The following TNFRSF10B variants were observed in gnomAD, a reference collection of about 807,000 sequenced individuals.
TNFRSF10B encodes the protein TNF receptor superfamily member 10b.
TNFRSF10B carries 35 observed loss-of-function variants against 41.4 expected under a neutral mutation model. That is an observed-to-expected ratio of 0.85 (90% CI 0.65 to 1.12). The LOEUF (loss-of-function observed/expected upper bound fraction) is 1.12. TNFRSF10B is among the 50% of genes most tolerant of loss of function. TNFRSF10B has a pLI of 0.00. For missense variants in TNFRSF10B, 584 were observed against 552.7 expected (o/e 1.06, Z -0.57); for synonymous variants, 230 against 215.5 (o/e 1.07, Z -0.59).
chr8:23,047,760 T>A (rs1268703862), intron 1 of TNFRSF10B, among the ~76,000 whole-genome samples: 1 of 152,228 alleles, frequency 6.6e-6, no homozygotes, highest in African/African-American at 2.4e-5. Flanking sequence ...TTGGTGGGAA[T>A]GTAAATTAGT....
At chr8:23,023,107 C>T (rs948984035) in intron 8 of TNFRSF10B, 123 bp from the exon 9 acceptor site, 11 of 1,248,522 alleles carry the variant, frequency 8.8e-6, no homozygotes, top group African/African-American at 4.4e-5. Flanking sequence ...GCAAACCTGC[C>T]GCTCCAGTGC....
chr8:23,054,295 C>T (rs181759998), intron 1 of TNFRSF10B, among the ~76,000 whole-genome samples: 212 of 152,288 alleles, frequency 1.4e-3, no homozygotes, highest in Non-Finnish European at 1.5e-3. Context: ...TTTTGACTTT[C>T]GGCTTAAAAT....
At chr8:23,048,005 C>G (rs1212462393) in intron 1 of TNFRSF10B, among the ~76,000 whole-genome samples, 1 of 152,168 alleles carries the variant, frequency 6.6e-6, no homozygotes, top group Non-Finnish European at 1.5e-5. Context: ...GTAGACAATA[C>G]AGAATACTAT....
chr8:23,030,708 T>A (rs767407756), intron 3 of TNFRSF10B, 51 bp downstream of exon 3: 1 of 1,419,914 alleles, frequency 7.0e-7, no homozygotes, highest in African/African-American at 1.4e-5. Flanking sequence ...ACAACTTTTA[T>A]GTCATCACCC....
At position 23,028,318 on chromosome 8, in the gene TNFRSF10B, A is replaced by C; in HGVS notation, c.748+13T>G. The stretch of plus-strand genomic sequence containing the variant: ...GAGAGTGCCCTGTGCCCCCGCCCTC[A>C]GCCAGCACCTACCTGAGCAGATGCC... On this transcript the variant is annotated intron_variant, in intron 5 of 8. Transcript: ENST00000276431. 1.9e-6 allele frequency: 3 copies of C among 1,613,960 alleles called. No individual in the cohort carries two copies. The highest frequency in any genetic ancestry group is 2.5e-6 in the Non-Finnish European group (3 of 1,179,986).
At position 23,042,110 on chromosome 8, in the gene TNFRSF10B, T is replaced by C. The variant is rs149612608; in HGVS notation, c.250+1028A>G. ...ACGTCATCCATCCACACCCCAAATA[T>C]GTCTTGAGTCCTTCCTATTCCCGTC... On this transcript the variant is annotated intron_variant, in intron 2 of 8. Coordinates refer to ENST00000276431, the MANE Select transcript of TNFRSF10B (RefSeq NM_003842.5). 2.3e-3 allele frequency among the ~76,000 whole-genome samples: 350 copies of C among 152,332 alleles called. 1 individual carries two copies. Among genetic ancestry groups the C allele is most frequent in the African/African-American group, 8.0e-3 (334 of 41,564 alleles).
rs568791782 is a variant in TNFRSF10B at position 23,031,209 on chromosome 8, G to T, written c.251-337C>A. ...TCCTGGCTCAGCCTCCTGAGTAGCT[G>T]GGATTACAGGCACACACTACCACAC... is the stretch of plus-strand genomic sequence containing the variant. On this transcript the variant is annotated intron_variant, in intron 2 of 8. Coordinates refer to ENST00000276431, the MANE Select transcript of TNFRSF10B (RefSeq NM_003842.5). Among the ~76,000 whole-genome samples the T allele has an allele frequency of 1.6e-4, 25 of 151,690 alleles. No individual in the cohort carries two copies. In the East Asian group the frequency reaches 4.7e-3, roughly 29 times the overall value.
At chr8:23,059,889 G>A (rs1812782248) in intron 1 of TNFRSF10B, among the ~76,000 whole-genome samples, 1 of 152,148 alleles carries the variant, frequency 6.6e-6, no homozygotes, top group African/African-American at 2.4e-5. Flanking sequence ...GTTCCCTAAT[G>A]ATTAGTGATT....
chr8:23,031,891 C>T (rs1811894725), intron 2 of TNFRSF10B, among the ~76,000 whole-genome samples: 1 of 150,662 alleles, frequency 6.6e-6, no homozygotes, highest in Admixed American at 6.7e-5. Flanking sequence ...TAACTCATGG[C>T]ACATCTCAAT....
At chr8:23,068,670 C>A (rs1813074100) in intron 1 of TNFRSF10B, 81 bp downstream of exon 1, 2 of 1,514,122 alleles carry the variant, frequency 1.3e-6, no homozygotes, top group East Asian at 2.5e-5. Context: ...CCACGCACCC[C>A]CGCCGTGTCC....
At chr8:23,028,093 C>T in intron 5 of TNFRSF10B, 3 of 618,290 alleles carry the variant, frequency 4.9e-6, no homozygotes, top group South Asian at 3.9e-5. Context: ...ACTGGCCCTG[C>T]CCTCCTGGAC....
Position 23,057,292 on chromosome 8 carries a change from G to A in TNFRSF10B, c.144+11459C>T, listed in dbSNP as rs181891840. On this transcript the variant is annotated intron_variant, in intron 1 of 8. Transcript: ENST00000276431. Reference sequence around the variant, plus strand: ...AATCTCCTGACCTTGTGATCCACCTGCCTCAGCCTCCCAAAGTGCTGGGAT... The same window carrying A: ...AATCTCCTGACCTTGTGATCCACCTACCTCAGCCTCCCAAAGTGCTGGGAT... 2.0e-3 allele frequency among the ~76,000 whole-genome samples: 307 copies of A among 151,736 alleles called. 4 individuals carry two copies. Among genetic ancestry groups the A allele is most frequent in the Admixed American group, 9.6e-3 (147 of 15,270 alleles).
At chr8:23,033,068 G>C (rs567718717) in intron 2 of TNFRSF10B, among the ~76,000 whole-genome samples, 1 of 152,256 alleles carries the variant, frequency 6.6e-6, no homozygotes, top group South Asian at 2.1e-4. Context: ...CATATTTAAA[G>C]TGCCAAGAAA....
intron 2 of TNFRSF10B, among the ~76,000 whole-genome samples, chr8:23,032,452 G>T (rs1357217642): frequency 1.3e-5 from 2 of 152,178 alleles, no homozygotes; most frequent in Non-Finnish European, 2.9e-5. Context: ...TTCAAAATTG[G>T]AAAGTGTGAG....
chr8:23,066,290 A>G (rs1812976713), intron 1 of TNFRSF10B, among the ~76,000 whole-genome samples: 1 of 152,184 alleles, frequency 6.6e-6, no homozygotes, highest in Non-Finnish European at 1.5e-5. Flanking sequence ...CTCAAAAAAG[A>G]AAAACACAAA....
intron 1 of TNFRSF10B, among the ~76,000 whole-genome samples, chr8:23,052,633 T>C (rs1812559254): frequency 6.6e-6 from 1 of 152,100 alleles, no homozygotes; most frequent in African/African-American, 2.4e-5. Context: ...AAAGGTTATA[T>C]ATAAAACAAG....
intron 1 of TNFRSF10B, among the ~76,000 whole-genome samples, chr8:23,045,689 T>G (rs1343470870): frequency 6.6e-6 from 1 of 152,126 alleles, no homozygotes; most frequent in Non-Finnish European, 1.5e-5. Flanking sequence ...AAATCTTCAA[T>G]AAAATACCAG....
intron 2 of TNFRSF10B, among the ~76,000 whole-genome samples, chr8:23,036,235 T>A (rs576307571): frequency 1.3e-5 from 2 of 152,352 alleles, no homozygotes; most frequent in East Asian, 3.9e-4. Flanking sequence ...AGCCATAAGT[T>A]TGGGCACATA....
intron 1 of TNFRSF10B, among the ~76,000 whole-genome samples, chr8:23,047,580 G>A (rs1283460287): frequency 6.6e-6 from 1 of 151,578 alleles, no homozygotes; most frequent in Non-Finnish European, 1.5e-5. Flanking sequence ...CACACAAATG[G>A]TCAACAGATA....
Sources: gnomAD v4.1 joint callset for allele counts (sites outside exome capture counted in the v4.1 genomes callset) on GRCh38, gnomAD v4.1.1 for gene constraint, MANE v1.5 for transcripts, NCBI Gene and HGNC (gene_info 2026-07-23, HGNC 2026-07-21) for gene names.